Variants in CHGA observed in about 807,000 individuals in gnomAD.
The protein encoded by CHGA is chromogranin A, also known as chromogranin-A.
CHGA carries 41 observed loss-of-function variants against 54.4 expected under a neutral mutation model. The ratio of observed to expected loss-of-function variants is 0.75; its 90% CI spans 0.59 to 0.98. The LOEUF (loss-of-function observed/expected upper bound fraction) is 0.98. Among genes scored for constraint, CHGA ranks in the 50% least tolerant of loss-of-function variants. The probability of loss-of-function intolerance (pLI) is 0.00; values close to 1 mark genes in which losing one functional copy is unlikely to be tolerated. For synonymous variants in CHGA, 249 were observed against 232.8 expected (o/e 1.07, Z -0.63); for missense variants, 576 against 582.3 (o/e 0.99, Z 0.11).
chr14:92,932,477 G>A lies in CHGA; in HGVS notation c.916G>A (p.Glu306Lys), dbSNP rs140089514. The A allele has an allele frequency of 1.3e-6, 2 of 1,556,424 alleles. No homozygotes were observed. The highest frequency in any genetic ancestry group is 2.7e-5 in the African/African-American group (2 of 73,552). ...GGAGCACTCCCAGCAGAAAGAGGAG[G>A]AGGAGGAGATGGCAGTGGTCCCGCA... Reference protein sequence around the residue: ...EQEHSQQKEEEEEMAVVPQGL... With the variant: ...EQEHSQQKEEKEEMAVVPQGL... The change falls in exon 7 of 8, where the codon GAG becomes AAG. Residue 306 changes from glutamate to lysine, a missense_variant. Transcript: ENST00000216492. The surrounding 1 kb of genome is among the most constrained non-coding windows in gnomAD (Gnocchi z 5.3).
At chr14:92,929,616 T>C (rs1886954423) in intron 4 of CHGA, 101 bp from the exon 5 acceptor site, 2 of 1,023,212 alleles carry the variant, frequency 2.0e-6, no homozygotes, top group African/African-American at 1.6e-5. Flanking sequence ...CTGAACATGA[T>C]GTGCCCAGCT....
chr14:92,926,565 C>T, intron 2 of CHGA, 40 bp from the exon 3 acceptor site: 1 of 1,578,754 alleles, frequency 6.3e-7, no homozygotes. Flanking sequence ...GAGCCCCATG[C>T]TCAAACCAGC....
intron 7 of CHGA, among the ~76,000 whole-genome samples, chr14:92,933,464 A>C (rs950277700): frequency 1.3e-5 from 2 of 152,046 alleles, no homozygotes; most frequent in African/African-American, 2.4e-5. Context: ...AGGCTTTGAA[A>C]ACCAGGGCCC....
intron 4 of CHGA, among the ~76,000 whole-genome samples, chr14:92,927,826 C>T (rs972200237): frequency 2.6e-5 from 4 of 152,174 alleles, no homozygotes; most frequent in Non-Finnish European, 1.5e-5. Context: ...AGTGACTTGT[C>T]CAAGGTCACA....
chr14:92,923,569 G>A (rs1318422806), intron 1 of CHGA, among the ~76,000 whole-genome samples, 164 bp downstream of exon 1: 2 of 152,178 alleles, frequency 1.3e-5, no homozygotes, highest in Non-Finnish European at 1.5e-5. Context: ...ACCCTGCAGT[G>A]TGGCCTCCGC....
intron 2 of CHGA, 47 bp from the exon 3 acceptor site, chr14:92,926,558 C>G: frequency 6.6e-7 from 1 of 1,515,424 alleles, no homozygotes. Flanking sequence ...AGGGACTGAG[C>G]CCCATGCTCA....
intron 7 of CHGA, among the ~76,000 whole-genome samples, chr14:92,934,209 G>C (rs12878661): frequency 6.6e-6 from 1 of 152,178 alleles, no homozygotes; most frequent in Admixed American, 6.5e-5. Flanking sequence ...TTCTGCAGAC[G>C]GGCATAGAAC....
chr14:92,925,982 G>A (rs1886879387), intron 2 of CHGA: 1 of 152,318 alleles, frequency 6.6e-6, no homozygotes, highest in Admixed American at 6.5e-5. Flanking sequence ...TGGTTGACCT[G>A]GGATATGCTC....
chr14:92,926,144 T>G, intron 2 of CHGA: 1 of 165,970 alleles, frequency 6.0e-6, no homozygotes, highest in Non-Finnish European at 1.3e-5. Flanking sequence ...CCAAACAGGG[T>G]AGAGCCAGGG....
chr14:92,928,468 C>T (rs149895170), intron 4 of CHGA, among the ~76,000 whole-genome samples: 1 of 152,322 alleles, frequency 6.6e-6, no homozygotes, highest in East Asian at 1.9e-4. Context: ...AGCAAGCACC[C>T]ACCTCCTACT....
At chr14:92,929,996 C>T (rs1886963449) in intron 5 of CHGA, among the ~76,000 whole-genome samples, 181 bp downstream of exon 5, 1 of 152,212 alleles carries the variant, frequency 6.6e-6, no homozygotes, top group Non-Finnish European at 1.5e-5. Context: ...AGGTGAGTGG[C>T]ATGACCAGGG....
At position 92,932,812 on chromosome 14, in the gene CHGA, G is replaced by T; in HGVS notation, c.1251G>T (p.Glu417Asp). The change falls in exon 7 of 8, where the codon GAG (glutamate) becomes GAT (aspartate). Residue 417 changes from glutamate to aspartate, a missense_variant. By Grantham distance (45) the Glu-to-Asp change is conservative. Transcript: ENST00000216492. This position sits in a 1 kb window ranked among gnomAD's most constrained non-coding sequence, Gnocchi z 5.3. ...TCCAGGTCCGAGGCTACCCCGAGGA[G>T]AAGAAAGAGGAGGAGGGCAGCGCAA... The part of the protein sequence containing the change: ...LPLQVRGYPE[E>D]KKEEEGSANR... The T allele has an allele frequency of 6.5e-7, 1 of 1,541,536 alleles. No homozygotes were observed.
rs1887101110 is a variant in CHGA at position 92,935,234 on chromosome 14, A to G, written c.*350A>G. 3.6e-6 allele frequency: 1 copy of G among 280,212 alleles called. No homozygotes were observed. The highest frequency in any genetic ancestry group is 5.5e-5 in the Admixed American group (1 of 18,332). 17.4% of individuals were successfully genotyped at this position (280,212 alleles called of 1,614,324 possible). Reference sequence around the variant, plus strand: ...AAAGCTGAGAACTCCTGACTGTAACATATTCTGTATGAACTTTATCTAAAG... The same window carrying G: ...AAAGCTGAGAACTCCTGACTGTAACGTATTCTGTATGAACTTTATCTAAAG... On this transcript the variant is annotated 3_prime_UTR_variant, in exon 8 of 8. Coordinates refer to ENST00000216492, the MANE Select transcript of CHGA (RefSeq NM_001275.4).
At chr14:92,922,928 C>T (rs919279848), upstream of CHGA, among the ~76,000 whole-genome samples, 1 of 152,212 alleles carries the variant, frequency 6.6e-6, no homozygotes, top group East Asian at 1.9e-4. Context: ...TCAGCCACAG[C>T]CCCCCGCCTC....
chr14:92,923,519 A>G, intron 1 of CHGA, 114 bp downstream of exon 1: 2 of 956,910 alleles, frequency 2.1e-6, no homozygotes, highest in Non-Finnish European at 2.7e-6. Flanking sequence ...GGGCGCGGCG[A>G]GTTTTCAGCA....
At chr14:92,931,824 A>G in intron 6 of CHGA, 122 bp downstream of exon 6, 1 of 1,009,616 alleles carries the variant, frequency 9.9e-7, no homozygotes, top group Non-Finnish European at 1.5e-6. Context: ...TATTAGCTCC[A>G]TTTCCCAGGT....
At chr14:92,923,041 G>A (rs1365462009), upstream of CHGA, 2 of 240,626 alleles carry the variant, frequency 8.3e-6, no homozygotes, top group African/African-American at 2.3e-5. Context: ...AGAGGTGGGG[G>A]CGAGCGGGGA....
At chr14:92,930,918 C>T (rs1886980433) in intron 5 of CHGA, among the ~76,000 whole-genome samples, 1 of 152,248 alleles carries the variant, frequency 6.6e-6, no homozygotes. Flanking sequence ...GCCTCTTACA[C>T]AGAGAGGTTA....
At chr14:92,924,004 G>T (rs1886839669) in intron 1 of CHGA, among the ~76,000 whole-genome samples, 195 bp from the exon 2 acceptor site, 1 of 152,224 alleles carries the variant, frequency 6.6e-6, no homozygotes, top group South Asian at 2.1e-4. Context: ...GGACCTCTCA[G>T]TGCAGCCTCT....
Sources: gnomAD v4.1 joint callset for allele counts (sites outside exome capture counted in the v4.1 genomes callset) on GRCh38, gnomAD v4.1.1 for gene constraint, Gnocchi (gnomAD v3.1) non-coding constraint, MANE v1.5 for transcripts, NCBI Gene and HGNC (gene_info 2026-07-23, HGNC 2026-07-21) for gene names.